FES: variants seen among roughly 807,000 people sequenced by gnomAD.
FES encodes tyrosine-protein kinase Fes/Fps.
In FES, 83 loss-of-function variants were observed where a neutral mutation model predicts 109.6. That is an observed-to-expected ratio of 0.76 (90% confidence interval 0.63 to 0.91). The LOEUF (loss-of-function observed/expected upper bound fraction) is 0.91. FES is among the 40% of genes least tolerant of loss of function. The pLI, the probability that FES is intolerant of heterozygous loss-of-function variation, is 0.00. For synonymous variants in FES, 458 were observed against 442.1 expected (o/e 1.04, Z -0.45); for missense variants, 943 against 1,070.9 (o/e 0.88, Z 1.67).
intron 9 of FES, 25 bp downstream of exon 9, chr15:90,890,303 T>C (rs2033085512): frequency 6.3e-7 from 1 of 1,586,642 alleles, no homozygotes; most frequent in Non-Finnish European, 8.6e-7. Context: ...CCGCGGCCGC[T>C]GCCCGCCACC....
chr15:90,891,767 T>C, intron 12 of FES, 91 bp downstream of exon 12: 1 of 1,555,838 alleles, frequency 6.4e-7, no homozygotes, highest in Middle Eastern at 1.8e-4. Context: ...AGAAAGGGCT[T>C]TCCAGGCCCT....
chr15:90,885,361 C>T (rs893926953), intron 2 of FES, 51 bp from the exon 3 acceptor site: 1 of 1,596,050 alleles, frequency 6.3e-7, no homozygotes, highest in East Asian at 2.2e-5. Flanking sequence ...CAGGCCAATG[C>T]TTGGGAGCCA....
chr15:90,891,922 C>A, intron 12 of FES, 136 bp from the exon 13 acceptor site: 1 of 1,144,490 alleles, frequency 8.7e-7, no homozygotes, highest in South Asian at 1.4e-5. Context: ...ACCCCGTAGT[C>A]ATCTCAGTGT....
chr15:90,889,497 C>T lies in FES; in HGVS notation c.807-20C>T, dbSNP rs368133693. 198 of 1,613,922 alleles carry T rather than the reference C, an allele frequency of 1.2e-4. No homozygotes were observed. Among genetic ancestry groups the T allele is most frequent in the Non-Finnish European group, 1.6e-4 (191 of 1,180,022 alleles). On this transcript the variant is annotated intron_variant, in intron 6 of 18. Transcript: ENST00000328850. This position sits in a 1 kb window ranked among gnomAD's most constrained non-coding sequence, Gnocchi z 6.1. ...CCAGGGCTGCTGGCCTGTCCACTGA[C>T]GGGGCGCTGTCCCCCACAGGTCCGC...
intron 15 of FES, 26 bp from the exon 16 acceptor site, chr15:90,893,265 T>A (rs1330549396): frequency 1.2e-6 from 2 of 1,610,790 alleles, no homozygotes; most frequent in African/African-American, 2.7e-5. Flanking sequence ...CTCAGGAGGC[T>A]CAGCAGGGGT....
chr15:90,893,686 A>G lies in FES; in HGVS notation c.2078A>G (p.Glu693Gly), dbSNP rs2033449585. The G allele has an allele frequency of 1.2e-6, 2 of 1,607,940 alleles. No individual in the cohort carries two copies. The highest frequency in any genetic ancestry group is 1.7e-6 in the Non-Finnish European group (2 of 1,176,994). The change falls in exon 17 of 19, where the codon GAG becomes GGG. Residue 693 changes from glutamate to glycine, a missense_variant. Transcript: ENST00000328850. ...DLAARNCLVT[E>G]KNVLKISDFG... ...GCTGCTCGGAACTGCCTGGTGACAG[A>G]GAAGAATGTCCTGAAGATCAGTGAC...
At chr15:90,891,302 T>A in intron 11 of FES, 111 bp downstream of exon 11, 1 of 1,329,186 alleles carries the variant, frequency 7.5e-7, no homozygotes, top group Non-Finnish European at 1.0e-6. Context: ...CTTGGATGCC[T>A]CCCTAGCAGG....
intron 16 of FES, 25 bp from the exon 17 acceptor site, chr15:90,893,629 T>C (rs1288522281): frequency 6.5e-7 from 1 of 1,542,570 alleles, no homozygotes; most frequent in Non-Finnish European, 8.7e-7. Context: ...GTTGGCCAAA[T>C]GAGCCCCTGC....
chr15:90,886,956 C>G lies in FES; in HGVS notation c.388-5C>G. On this transcript the variant is annotated splice_region_variant and splice_polypyrimidine_tract_variant and intron_variant, in intron 3 of 18. Coordinates refer to ENST00000328850, the MANE Select transcript of FES (RefSeq NM_002005.4). Reference sequence around the variant, plus strand: ...GCCCCACACTGGCCTCTCCTCTCTCCCTAGACCCACAGCCAGGACATTGAG... The same window carrying G: ...GCCCCACACTGGCCTCTCCTCTCTCGCTAGACCCACAGCCAGGACATTGAG... 1 of 1,614,040 alleles carries G rather than the reference C, an allele frequency of 6.2e-7. No homozygotes were observed. Among genetic ancestry groups the G allele is most frequent in the Non-Finnish European group, 8.5e-7 (1 of 1,179,962 alleles).
rs1032145607 is a variant in FES at position 90,884,908 on chromosome 15, G to A, written c.-9-129G>A. On this transcript the variant is annotated intron_variant, in intron 1 of 18. Coordinates refer to ENST00000328850, the MANE Select transcript of FES (RefSeq NM_002005.4). ...GCTGGGTACCCATGGCTGCGTGTGA[G>A]CGAGGCAGGACCCCACCTCCTCCCC... is the stretch of plus-strand genomic sequence containing the variant. 3 of 750,748 alleles carry A rather than the reference G, an allele frequency of 4.0e-6. No individual in the cohort carries two copies. The African/African-American group carries it at 5.2e-5, about 13-fold the overall frequency. The allele number at this position is 750,748 out of a possible 1,614,324, so 46.5% of individuals were successfully genotyped here.
At chr15:90,890,376 C>T (rs756020799) in intron 9 of FES, 25 bp from the exon 10 acceptor site, 17 of 1,609,892 alleles carry the variant, frequency 1.1e-5, no homozygotes, top group East Asian at 6.7e-5. Context: ...CCTGGCCACC[C>T]GCTGACGTCT....
At chr15:90,886,145 C>G (rs1380856218) in intron 3 of FES, among the ~76,000 whole-genome samples, 1 of 152,262 alleles carries the variant, frequency 6.6e-6, no homozygotes, top group Non-Finnish European at 1.5e-5. Context: ...CACCACACCC[C>G]TTCCTCAAGT....
Position 90,890,227 on chromosome 15 carries a change from GC to G in FES, c.1190del (p.Pro397ArgfsTer135), listed in dbSNP as rs772183927. ...AGCTGGAGCACCTGGGCCCCGGCGA[GC>G]CCCCGCCTGTGCTGCTCCTGCAGGA... ...TKLEHLGPGE[P>X]PPVLLLQDDR... is the part of the protein sequence containing the mutation. On this transcript the variant is annotated frameshift_variant, in exon 9 of 19. Transcript: ENST00000328850. LOFTEE classifies it high-confidence loss of function. 4 of 1,598,692 alleles carry G rather than the reference GC, an allele frequency of 2.5e-6. No homozygotes were observed. Among genetic ancestry groups the G allele is most frequent in the East Asian group, 2.2e-5 (1 of 44,788 alleles).
chr15:90,894,353 G>A (rs1409753554), intron 18 of FES, among the ~76,000 whole-genome samples: 1 of 152,194 alleles, frequency 6.6e-6, no homozygotes, highest in Non-Finnish European at 1.5e-5. Context: ...GGGAGGCCGA[G>A]GCAGGTGGAT....
intron 5 of FES, among the ~76,000 whole-genome samples, chr15:90,888,747 CATTT>C (rs57072260): frequency 0.41 from 58,022 of 142,298 alleles, 12,026 homozygotes; most frequent in Admixed American, 0.45. Flanking sequence ...GATAGCAGTT[CATTT>C]ATTTATTTAT....
intron 1 of FES, chr15:90,884,790 A>C: frequency 2.2e-6 from 1 of 460,708 alleles, no homozygotes; most frequent in East Asian, 3.8e-5. Flanking sequence ...GGGCCTGGGG[A>C]GGGAGGCTCC....
chr15:90,891,295 G>A (rs2033191216), intron 11 of FES, 104 bp downstream of exon 11: 1 of 1,366,552 alleles, frequency 7.3e-7, no homozygotes, highest in Non-Finnish European at 1.0e-6. Flanking sequence ...GCCAGGTCTT[G>A]GATGCCTCCC....
intron 5 of FES, among the ~76,000 whole-genome samples, chr15:90,887,683 A>G (rs2032792280): frequency 6.6e-6 from 1 of 152,212 alleles, no homozygotes; most frequent in African/African-American, 2.4e-5. Flanking sequence ...TGAGGATGTG[A>G]GGAGCACTAA....
chr15:90,884,811 C>T, intron 1 of FES: 1 of 510,422 alleles, frequency 2.0e-6, no homozygotes, highest in East Asian at 3.3e-5. Context: ...AGGTTGGCTC[C>T]TGTTCCCGAA....
Sources: allele counts gnomAD v4.1 joint callset (sites outside exome capture counted in the v4.1 genomes callset), GRCh38; gene constraint gnomAD v4.1.1; non-coding constraint Gnocchi (gnomAD v3.1); transcripts MANE v1.5; gene names NCBI Gene and HGNC (gene_info 2026-07-23, HGNC 2026-07-21).